The following DPP10 variants were observed in gnomAD, a reference collection of about 807,000 sequenced individuals.
DPP10 encodes the protein dipeptidyl peptidase like 10.
DPP10 carries 33 observed loss-of-function variants against 120.9 expected under a neutral mutation model. The observed-to-expected ratio is 0.27, with a 90% CI of 0.21 to 0.37. The LOEUF is 0.37. Among genes scored for constraint, DPP10 ranks in the 10% least tolerant of loss-of-function variants. The pLI is 1.00. For missense variants in DPP10, 816 were observed against 942.8 expected (o/e 0.87, Z 1.76); for synonymous variants, 337 against 326.1 (o/e 1.03, Z -0.36).
intron 5 of DPP10, among the ~76,000 whole-genome samples, chr2:115,576,719 G>A (rs948791708): frequency 2.8e-4 from 43 of 152,086 alleles, no homozygotes; most frequent in Admixed American, 1.3e-3. Context: ...GAGACATCAA[G>A]GTCAATGCAC....
At chr2:115,823,007 GTGTAT>G (rs1239131556) in intron 21 of DPP10, among the ~76,000 whole-genome samples, 2 of 151,936 alleles carry the variant, frequency 1.3e-5, no homozygotes, top group Admixed American at 1.3e-4. Flanking sequence ...CTTTGCTGAT[GTGTAT>G]TTTTAAAAAT....
chr2:114,744,752 T>A (rs926389325), intron 1 of DPP10, among the ~76,000 whole-genome samples: 2 of 152,142 alleles, frequency 1.3e-5, no homozygotes, highest in South Asian at 4.1e-4. Context: ...AGTGACCATA[T>A]GGCCACAATG....
chr2:115,117,728 G>A (rs2049595860), intron 1 of DPP10, among the ~76,000 whole-genome samples: 1 of 152,196 alleles, frequency 6.6e-6, no homozygotes, highest in Admixed American at 6.5e-5. Flanking sequence ...AGAAGATGAT[G>A]AGAACCAGCC....
intron 2 of DPP10, among the ~76,000 whole-genome samples, chr2:115,311,587 C>T (rs1438626677): frequency 6.6e-6 from 1 of 152,150 alleles, no homozygotes; most frequent in Non-Finnish European, 1.5e-5. Flanking sequence ...GTTCTCACCA[C>T]ATTCTAGGTG....
chr2:115,136,384 C>T (rs1372732453), intron 1 of DPP10, among the ~76,000 whole-genome samples: 1 of 152,118 alleles, frequency 6.6e-6, no homozygotes, highest in African/African-American at 2.4e-5. Flanking sequence ...TAACAGATGG[C>T]AATGTTTCTC....
At chr2:115,732,609 A>C (rs554801242) in intron 8 of DPP10, among the ~76,000 whole-genome samples, 3 of 152,310 alleles carry the variant, frequency 2.0e-5, no homozygotes, top group Admixed American at 2.0e-4. Flanking sequence ...TCAAAGTTTT[A>C]CTTTAAAAAC....
intron 3 of DPP10, among the ~76,000 whole-genome samples, chr2:115,446,062 A>T (rs2072558844): frequency 6.6e-6 from 1 of 152,198 alleles, no homozygotes; most frequent in Admixed American, 6.5e-5. Context: ...CCTGTAGCCC[A>T]GCTGCTCCAG....
chr2:114,734,508 AT>A (rs1677230297), intron 1 of DPP10, among the ~76,000 whole-genome samples: 1 of 152,146 alleles, frequency 6.6e-6, no homozygotes, highest in South Asian at 2.1e-4. Flanking sequence ...AAACCAATGT[AT>A]TTCTTAAGTG....
chr2:115,353,801 T>C (rs949471531), intron 3 of DPP10, among the ~76,000 whole-genome samples: 4 of 152,184 alleles, frequency 2.6e-5, no homozygotes, highest in African/African-American at 9.6e-5. Context: ...AAGTTCTGGC[T>C]AGAAGCCACA....
At chr2:114,915,046 G>A (rs1170269458) in intron 1 of DPP10, among the ~76,000 whole-genome samples, 1 of 152,104 alleles carries the variant, frequency 6.6e-6, no homozygotes, top group Non-Finnish European at 1.5e-5. Flanking sequence ...CAGGAGAATG[G>A]CGTGAACCCG....
At chr2:114,852,237 C>T (rs912291485) in intron 1 of DPP10, among the ~76,000 whole-genome samples, 1 of 141,210 alleles carries the variant, frequency 7.1e-6, no homozygotes, top group Non-Finnish European at 1.5e-5. Context: ...CTACTGAGCC[C>T]TCAGGGAATA....
intron 3 of DPP10, among the ~76,000 whole-genome samples, chr2:115,349,908 C>T (rs1338589534): frequency 6.6e-6 from 1 of 151,928 alleles, no homozygotes; most frequent in Non-Finnish European, 1.5e-5. Flanking sequence ...TATATTCAGC[C>T]CCCAGTCAAA....
intron 1 of DPP10, among the ~76,000 whole-genome samples, chr2:114,471,402 T>C (rs10176899): frequency 0.06 from 9,169 of 152,242 alleles, 874 homozygotes; most frequent in African/African-American, 0.21. Context: ...TGCTGTGCTG[T>C]TAGACAGATT....
At chr2:114,555,385 T>C (rs543184926) in intron 1 of DPP10, among the ~76,000 whole-genome samples, 41 of 152,286 alleles carry the variant, frequency 2.7e-4, no homozygotes, top group African/African-American at 9.4e-4. Flanking sequence ...GGGTCTTATA[T>C]TGTAGTGGGG....
chr2:114,507,390 TTC>T (rs1377152907), intron 1 of DPP10, among the ~76,000 whole-genome samples: 1 of 152,162 alleles, frequency 6.6e-6, no homozygotes, highest in Non-Finnish European at 1.5e-5. Context: ...TTTTTTAACA[TTC>T]CATGTTATAC....
chr2:114,959,822 A>G (rs1049440958), intron 1 of DPP10, among the ~76,000 whole-genome samples: 3 of 152,202 alleles, frequency 2.0e-5, no homozygotes, highest in Non-Finnish European at 2.9e-5. Context: ...ATTACTAGTA[A>G]TGTCAAATAG....
chr2:115,780,997 T>C lies in DPP10; in HGVS notation c.1483+2T>C. 1 of 1,579,378 alleles carries C rather than the reference T, an allele frequency of 6.3e-7. No individual in the cohort carries two copies. The highest frequency in any genetic ancestry group is 8.6e-7 in the Non-Finnish European group (1 of 1,156,936). On this transcript the variant is annotated splice_donor_variant, in intron 16 of 25. Transcript: ENST00000410059. LOFTEE classifies it high-confidence loss of function. ...AACATTTCTTATTATTCTGTGAAGG[T>C]AAGATAATACATGAATTCTGATATA...
intron 1 of DPP10, among the ~76,000 whole-genome samples, chr2:114,460,865 A>G (rs1441992437): frequency 6.6e-6 from 1 of 152,200 alleles, no homozygotes; most frequent in Non-Finnish European, 1.5e-5. Flanking sequence ...TTTTGATGAA[A>G]TGTTTCCTAA....
At chr2:114,985,723 CA>C (rs1700353392) in intron 1 of DPP10, among the ~76,000 whole-genome samples, 1 of 152,134 alleles carries the variant, frequency 6.6e-6, no homozygotes, top group African/African-American at 2.4e-5. Context: ...CTGTAATAAG[CA>C]CAAATAAAAT....
Sources: gnomAD v4.1 joint callset for allele counts (sites outside exome capture counted in the v4.1 genomes callset) on GRCh38, gnomAD v4.1.1 for gene constraint, MANE v1.5 for transcripts, NCBI Gene and HGNC (gene_info 2026-07-23, HGNC 2026-07-21) for gene names.